Variants in GRIP1 observed in about 807,000 individuals in gnomAD.
The protein encoded by GRIP1 is glutamate receptor-interacting protein 1.
A neutral mutation model predicts 129.9 loss-of-function variants in GRIP1; 45 were observed. The ratio of observed to expected loss-of-function variants is 0.35; its 90% CI spans 0.27 to 0.44. GRIP1 has a LOEUF of 0.44. GRIP1 is among the 20% of genes least tolerant of loss of function. The probability of loss-of-function intolerance (pLI) is 1.00; values close to 1 mark genes in which losing one functional copy is unlikely to be tolerated. For missense variants in GRIP1, 1,196 were observed against 1,396.8 expected (o/e 0.86, Z 2.29); for synonymous variants, 530 against 520.8 (o/e 1.02, Z -0.24).
intron 1 of GRIP1, among the ~76,000 whole-genome samples, chr12:66,815,394 G>A (rs183129890): frequency 4.8e-4 from 73 of 152,262 alleles, no homozygotes; most frequent in African/African-American, 1.7e-3. Context: ...AAGGGGTCTA[G>A]GCCTGAGACT....
intron 1 of GRIP1, among the ~76,000 whole-genome samples, chr12:66,627,881 G>A (rs755984109): frequency 4.6e-5 from 7 of 152,288 alleles, no homozygotes; most frequent in Non-Finnish European, 5.9e-5. Flanking sequence ...GCCTGCCTGG[G>A]AATGAGGGTG....
chr12:66,486,267 T>TTA (rs59135643), intron 7 of GRIP1, among the ~76,000 whole-genome samples: 9,393 of 150,088 alleles, frequency 0.063, 611 homozygotes, highest in East Asian at 0.24. Context: ...CTGACATGGT[T>TTA]TATATATATA....
At chr12:66,766,334 G>A (rs2037637028) in intron 1 of GRIP1, among the ~76,000 whole-genome samples, 2 of 152,152 alleles carry the variant, frequency 1.3e-5, no homozygotes, top group Non-Finnish European at 2.9e-5. Context: ...AGCACACCCA[G>A]GTCTTCCAGA....
At chr12:66,475,525 A>C (rs1437309473) in intron 7 of GRIP1, among the ~76,000 whole-genome samples, 1 of 152,204 alleles carries the variant, frequency 6.6e-6, no homozygotes, top group Non-Finnish European at 1.5e-5. Flanking sequence ...CAGAATATAC[A>C]TTCTTCTCAG....
At chr12:66,416,063 T>C (rs1231296396) in intron 15 of GRIP1, among the ~76,000 whole-genome samples, 1 of 151,822 alleles carries the variant, frequency 6.6e-6, no homozygotes. Flanking sequence ...ACATGTACCC[T>C]GGAACTTAAA....
At chr12:66,930,181 G>T (rs2041368067) in intron 1 of GRIP1, among the ~76,000 whole-genome samples, 1 of 145,878 alleles carries the variant, frequency 6.9e-6, no homozygotes. Flanking sequence ...ATGTATACAT[G>T]TGCCATGCTG....
At chr12:66,776,248 CATAGGTATCCAAT>C (rs1178103980) in intron 1 of GRIP1, among the ~76,000 whole-genome samples, 1 of 152,176 alleles carries the variant, frequency 6.6e-6, no homozygotes, top group Non-Finnish European at 1.5e-5. Flanking sequence ...CTGTCACCTA[CATAGGTATCCAAT>C]TCAGTCCTAC....
At chr12:66,887,636 TGA>T (rs776087120) in intron 1 of GRIP1, among the ~76,000 whole-genome samples, 13 of 152,252 alleles carry the variant, frequency 8.5e-5, no homozygotes, top group Non-Finnish European at 1.9e-4. Flanking sequence ...ACACATGCTT[TGA>T]GAGTGTTTAG....
intron 2 of GRIP1, among the ~76,000 whole-genome samples, chr12:66,581,740 A>C (rs1249362942): frequency 1.3e-5 from 2 of 152,172 alleles, no homozygotes; most frequent in African/African-American, 4.8e-5. Flanking sequence ...CAATAACAGG[A>C]GCTGAAATTG....
rs61342252 is a variant in GRIP1, at chr12:66,446,346, C to T, written c.1355-838G>A. Among the ~76,000 whole-genome samples the T allele has an allele frequency of 9.2e-3, 1,396 of 152,198 alleles. 27 individuals are homozygous for T. The highest frequency in any genetic ancestry group is 0.031 in the African/African-American group (1,307 of 41,512). On this transcript the variant is annotated intron_variant, in intron 11 of 24. Coordinates refer to ENST00000359742, the MANE Select transcript of GRIP1 (RefSeq NM_001366722.1). ...ATTGGAGTGTGGCCACCCGTGCTCT[C>T]TGTGAGCACAGCCTCTGCCTGCAGG... is the stretch of plus-strand genomic sequence containing the variant.
chr12:67,041,221 GTAT>G (rs1482329309), intron 1 of GRIP1, among the ~76,000 whole-genome samples: 1 of 151,424 alleles, frequency 6.6e-6, no homozygotes, highest in Non-Finnish European at 1.5e-5. Flanking sequence ...ATACATATGT[GTAT>G]TATATATACA....
At chr12:66,750,526 A>G (rs961990367) in intron 1 of GRIP1, among the ~76,000 whole-genome samples, 11 of 152,320 alleles carry the variant, frequency 7.2e-5, no homozygotes, top group Admixed American at 5.9e-4. Flanking sequence ...GGAGGAGGTC[A>G]CAGGTCCTGT....
At chr12:66,941,747 TA>T (rs1280711956) in intron 1 of GRIP1, among the ~76,000 whole-genome samples, 1 of 152,148 alleles carries the variant, frequency 6.6e-6, no homozygotes, top group Non-Finnish European at 1.5e-5. Context: ...TACTGATAAT[TA>T]AAAGGATGTA....
chr12:66,848,921 T>C (rs1467377918), intron 1 of GRIP1, among the ~76,000 whole-genome samples: 1 of 152,150 alleles, frequency 6.6e-6, no homozygotes, highest in South Asian at 2.1e-4. Flanking sequence ...GATGGGCTGC[T>C]TTCCGGGATG....
At chr12:66,572,108 A>G (rs2062980917) in intron 2 of GRIP1, among the ~76,000 whole-genome samples, 1 of 152,192 alleles carries the variant, frequency 6.6e-6, no homozygotes, top group African/African-American at 2.4e-5. Context: ...GGGCTGGGGT[A>G]CTCAACAGAA....
chr12:66,627,093 TGAA>T (rs1339809868), intron 1 of GRIP1, among the ~76,000 whole-genome samples: 1 of 152,224 alleles, frequency 6.6e-6, no homozygotes, highest in African/African-American at 2.4e-5. Flanking sequence ...ATTCCTTTGA[TGAA>T]GAATACTTAG....
rs71452314 is a variant in GRIP1, at chr12:66,583,680, G to A, written c.136+13167C>T. The stretch of plus-strand genomic sequence containing the variant: ...AAATGCTCATCATCACTGGCCATCA[G>A]AGAAATGCAAATCAAAACCACAGTG... On this transcript the variant is annotated intron_variant, in intron 2 of 24. Transcript: ENST00000359742. Among the ~76,000 whole-genome samples, 524 of 118,408 alleles carry A rather than the reference G, an allele frequency of 4.4e-3. 1 individual carries two copies. The highest frequency in any genetic ancestry group is 0.013 in the Middle Eastern group (3 of 240). The allele number at this position is 118,408 out of a possible 152,430, so 77.7% of individuals were successfully genotyped here.
intron 1 of GRIP1, among the ~76,000 whole-genome samples, chr12:66,842,936 G>T (rs1456568940): frequency 6.6e-6 from 1 of 152,066 alleles, no homozygotes; most frequent in Non-Finnish European, 1.5e-5. Flanking sequence ...AGGACCCCTT[G>T]ATATAATAGA....
At chr12:66,532,746 C>A (rs1006406591) in intron 4 of GRIP1, among the ~76,000 whole-genome samples, 1 of 152,008 alleles carries the variant, frequency 6.6e-6, no homozygotes, top group Non-Finnish European at 1.5e-5. Flanking sequence ...AGACCTGAGA[C>A]TCTTTCTCCC....
Sources: allele counts gnomAD v4.1 joint callset (sites outside exome capture counted in the v4.1 genomes callset), GRCh38; gene constraint gnomAD v4.1.1; transcripts MANE v1.5; gene names NCBI Gene and HGNC (gene_info 2026-07-23, HGNC 2026-07-21).